Variants in CNTN3 observed in about 807,000 individuals in gnomAD.
CNTN3 encodes contactin 3.
Under a neutral mutation model 119.1 loss-of-function variants are expected in CNTN3, and 60 were observed. The ratio of observed to expected loss-of-function variants is 0.50; its 90% CI spans 0.41 to 0.62. CNTN3 has a LOEUF of 0.62. Ranked by LOEUF, CNTN3 falls within the 20% of genes least tolerant of loss-of-function variation. CNTN3 has a pLI of 0.00. For missense variants in CNTN3, 1,101 were observed against 1,242.4 expected (o/e 0.89, Z 1.71); for synonymous variants, 450 against 438.7 (o/e 1.03, Z -0.32).
intron 1 of CNTN3, among the ~76,000 whole-genome samples, chr3:74,612,515 G>C (rs1372124083): frequency 3.9e-5 from 6 of 152,224 alleles, no homozygotes; most frequent in Admixed American, 3.9e-4. Flanking sequence ...CATCCAGACA[G>C]TGAGGAGGAC....
At chr3:74,499,842 T>C (rs1233077151) in intron 2 of CNTN3, 57 bp from the exon 3 acceptor site, 2 of 1,517,186 alleles carry the variant, frequency 1.3e-6, no homozygotes, top group African/African-American at 1.4e-5. Context: ...TTGTAAAAAG[T>C]TACATTCCAG....
intron 4 of CNTN3, among the ~76,000 whole-genome samples, chr3:74,445,333 G>A (rs1489492128): frequency 3.3e-5 from 5 of 151,814 alleles, no homozygotes; most frequent in African/African-American, 7.3e-5. Flanking sequence ...TGGGATCTCC[G>A]CCCACTGCAA....
chr3:74,351,663 T>C (rs968464358), intron 11 of CNTN3, among the ~76,000 whole-genome samples: 2 of 152,186 alleles, frequency 1.3e-5, no homozygotes, highest in Admixed American at 6.5e-5. Flanking sequence ...TTCATGTAAA[T>C]AATGATACAA....
chr3:74,266,271 T>C (rs1575685614), intron 22 of CNTN3, among the ~76,000 whole-genome samples: 1 of 152,142 alleles, frequency 6.6e-6, no homozygotes, highest in South Asian at 2.1e-4. Context: ...TTTTTTGACA[T>C]CTTTTCTTCA....
At chr3:74,317,383 A>G (rs2106658885) in intron 13 of CNTN3, among the ~76,000 whole-genome samples, 1 of 152,020 alleles carries the variant, frequency 6.6e-6, no homozygotes, top group African/African-American at 2.4e-5. Flanking sequence ...TGTCATTATG[A>G]TGTTAGCTGG....
chr3:74,318,171 C>T (rs970699476), intron 13 of CNTN3, among the ~76,000 whole-genome samples: 1 of 152,194 alleles, frequency 6.6e-6, no homozygotes, highest in African/African-American at 2.4e-5. Context: ...GTTCTCAAGC[C>T]TTGGCTTTCA....
At chr3:74,566,423 G>A (rs1249293261) in intron 1 of CNTN3, among the ~76,000 whole-genome samples, 6 of 152,158 alleles carry the variant, frequency 3.9e-5, no homozygotes, top group Non-Finnish European at 2.9e-5. Flanking sequence ...ATGTTATAGA[G>A]GAGAGATGCC....
chr3:74,366,778 G>GCGTATATATATATATATA (rs1704200549), intron 8 of CNTN3, among the ~76,000 whole-genome samples: 1 of 40,884 alleles, frequency 2.4e-5, no homozygotes, highest in African/African-American at 1.1e-4. Context: ...GTGTGTGTGT[G>GCGTATATATATATATATA]TGTATATATA....
At chr3:74,536,277 C>T (rs915598935) in intron 1 of CNTN3, among the ~76,000 whole-genome samples, 1 of 152,044 alleles carries the variant, frequency 6.6e-6, no homozygotes, top group Non-Finnish European at 1.5e-5. Flanking sequence ...ATGCCGTAGG[C>T]CACAGAAGCC....
At chr3:74,305,374 T>G (rs1702541884) in intron 13 of CNTN3, among the ~76,000 whole-genome samples, 1 of 152,126 alleles carries the variant, frequency 6.6e-6, no homozygotes, top group Non-Finnish European at 1.5e-5. Flanking sequence ...GACATACATA[T>G]AATTTATGAC....
chr3:74,391,969 G>C (rs555219661), intron 5 of CNTN3, among the ~76,000 whole-genome samples: 49 of 152,192 alleles, frequency 3.2e-4, no homozygotes, highest in Non-Finnish European at 6.3e-4. Flanking sequence ...CCCACACTTA[G>C]AGTCTTAAGT....
intron 1 of CNTN3, among the ~76,000 whole-genome samples, chr3:74,522,637 G>C (rs1703559652): frequency 6.6e-6 from 1 of 151,782 alleles, no homozygotes; most frequent in African/African-American, 2.4e-5. Context: ...AGTTCCTATA[G>C]AACCAATGCC....
At chr3:74,609,905 T>C (rs1024864072) in intron 1 of CNTN3, among the ~76,000 whole-genome samples, 1 of 152,096 alleles carries the variant, frequency 6.6e-6, no homozygotes, top group Admixed American at 6.5e-5. Flanking sequence ...ATACTAAGCA[T>C]ACCAAGGAAA....
chr3:74,512,692 CAAA>C (rs66822650), intron 2 of CNTN3, among the ~76,000 whole-genome samples: 19,371 of 85,150 alleles, frequency 0.23, 818 homozygotes, highest in Middle Eastern at 0.3. Flanking sequence ...CATAATCAAG[CAAA>C]AAAAAAAAAA....
intron 1 of CNTN3, among the ~76,000 whole-genome samples, chr3:74,523,028 G>A (rs754252400): frequency 6.6e-6 from 1 of 151,742 alleles, no homozygotes; most frequent in Non-Finnish European, 1.5e-5. Flanking sequence ...TACTGCTCAA[G>A]CCTTTCCAGT....
chr3:74,302,782 C>G lies in CNTN3; in HGVS notation c.1694G>C (p.Arg565Thr). The change falls in exon 14 of 23, where the codon AGA becomes ACA. Residue 565 changes from arginine (R) to threonine (T), a missense_variant. Arg to Thr is a moderately conservative substitution (Grantham distance 71). Coordinates refer to ENST00000263665, the MANE Select transcript of CNTN3 (RefSeq NM_020872.3). ...GGSSSGDLMI[R>T]NIQLKHSGKY... is the part of the protein sequence containing the mutation. ...CCCACTGTGTTTCAGCTGAATGTTTCTGATCATTAAATCACCAGATGAACT... is the reference window on the plus strand; with the variant it reads ...CCCACTGTGTTTCAGCTGAATGTTTGTGATCATTAAATCACCAGATGAACT... 1 of 1,612,034 alleles carries G rather than the reference C, an allele frequency of 6.2e-7. No homozygotes were observed. Among genetic ancestry groups the G allele is most frequent in the African/African-American group, 1.3e-5 (1 of 74,942 alleles).
In CNTN3 at chr3:74,327,105, C is replaced by CTTTTTTTTTTTTTT. The variant is rs1491284899; in HGVS notation, c.1668+7629_1668+7630insAAAAAAAAAAAAAA. On this transcript the variant is annotated intron_variant, in intron 13 of 22. Coordinates refer to ENST00000263665, the MANE Select transcript of CNTN3 (RefSeq NM_020872.3). ...CTAAAGTAGCTTATGAAGGGTTAATCCTTTTTTTTTTTTTTTTTTTTTTTT... is the reference window on the plus strand; with the variant it reads ...CTAAAGTAGCTTATGAAGGGTTAATCTTTTTTTTTTTTTTCTTTTTTTTTTTTTTTTTTTTTTTT... Among the ~76,000 whole-genome samples the CTTTTTTTTTTTTTT allele has an allele frequency of 1.1e-3, 96 of 90,690 alleles. 1 individual carries two copies. The highest frequency in any genetic ancestry group is 4.3e-3 in the East Asian group (11 of 2,572). The allele number at this position is 90,690 out of a possible 152,430, so 59.5% of individuals were successfully genotyped here.
intron 1 of CNTN3, among the ~76,000 whole-genome samples, chr3:74,606,012 A>G (rs1455107523): frequency 6.6e-6 from 1 of 152,010 alleles, no homozygotes; most frequent in East Asian, 1.9e-4. Flanking sequence ...TACATTTTAC[A>G]TCCCCTATTC....
chr3:74,426,036 C>A (rs1315289147), intron 4 of CNTN3, among the ~76,000 whole-genome samples: 1 of 152,046 alleles, frequency 6.6e-6, no homozygotes, highest in Admixed American at 6.6e-5. Context: ...TGATTACCAA[C>A]GGTTATTTTT....
Sources: gnomAD v4.1 joint callset for allele counts (sites outside exome capture counted in the v4.1 genomes callset) on GRCh38, gnomAD v4.1.1 for gene constraint, MANE v1.5 for transcripts, NCBI Gene and HGNC (gene_info 2026-07-23, HGNC 2026-07-21) for gene names.